Variants in SUN1 observed in about 807,000 individuals in gnomAD.
The protein encoded by SUN1 is SUN domain-containing protein 1.
In SUN1, 61 loss-of-function variants were observed where a neutral mutation model predicts 103.2. The ratio of observed to expected loss-of-function variants is 0.59; its 90% CI spans 0.48 to 0.73. The LOEUF is 0.73. Among genes scored for constraint, SUN1 ranks in the 30% least tolerant of loss-of-function variants. The pLI, the probability that SUN1 is intolerant of heterozygous loss-of-function variation, is 0.00. For synonymous variants in SUN1, 490 were observed against 425.7 expected (o/e 1.15, Z -1.86); for missense variants, 1,052 against 1,034.6 (o/e 1.02, Z -0.23).
At chr7:849,847 A>T (rs1313771760) in intron 5 of SUN1, 8 of 1,448,046 alleles carry the variant, frequency 5.5e-6, no homozygotes, top group Non-Finnish European at 7.6e-6. Context: ...ACAGACTGCC[A>T]TTGCTATGCA....
intron 1 of SUN1, among the ~76,000 whole-genome samples, chr7:835,310 C>T (rs758992508): frequency 5.9e-5 from 9 of 152,182 alleles, no homozygotes; most frequent in Non-Finnish European, 1.0e-4. Flanking sequence ...AGGGTGGGCC[C>T]GAACACTTAC....
At chr7:831,131 C>A, upstream of SUN1, 2 of 549,316 alleles carry the variant, frequency 3.6e-6, no homozygotes, top group Non-Finnish European at 4.6e-6. Context: ...ATTAAGTGAT[C>A]ACAGTTAGTT....
rs1280220825 is a variant in SUN1 at position 853,357 on chromosome 7, T to C, written c.1054-52T>C. 6.9e-6 allele frequency: 11 copies of C among 1,600,172 alleles called. No homozygotes were observed. In the East Asian group the frequency reaches 2.5e-4, roughly 36 times the overall value. On this transcript the variant is annotated intron_variant, in intron 9 of 18. Coordinates refer to ENST00000401592, the MANE Select transcript of SUN1 (RefSeq NM_001130965.3). Reference sequence around the variant, plus strand: ...CACTGTTTGGAGGTTTAACTGACTCTGTGCTCATGCTTGTTTGACTACCTG... The same window carrying C: ...CACTGTTTGGAGGTTTAACTGACTCCGTGCTCATGCTTGTTTGACTACCTG...
At chr7:833,783 C>T (rs564274088) in intron 1 of SUN1, among the ~76,000 whole-genome samples, 62 of 152,358 alleles carry the variant, frequency 4.1e-4, no homozygotes, top group African/African-American at 1.3e-3. Context: ...ACTCTGTTTT[C>T]TAAGAGTCCT....
chr7:818,868 C>T (rs569808035), intron 1 of SUN1, among the ~76,000 whole-genome samples: 16 of 127,442 alleles, frequency 1.3e-4, no homozygotes, highest in Non-Finnish European at 2.0e-4. Flanking sequence ...TCCCCTCCCC[C>T]CCTTTTTTTT....
intron 1 of SUN1, among the ~76,000 whole-genome samples, chr7:826,147 A>G (rs1791599869): frequency 6.6e-6 from 1 of 152,146 alleles, no homozygotes; most frequent in Non-Finnish European, 1.5e-5. Context: ...CTGAGGCTTG[A>G]GCCCAGGAGA....
chr7:852,112 A>C, intron 7 of SUN1, 69 bp downstream of exon 7: 1 of 1,322,178 alleles, frequency 7.6e-7, no homozygotes, highest in Non-Finnish European at 1.1e-6. Context: ...GCAGGCTCTC[A>C]TTTGATTTGT....
At chr7:861,642 T>C (rs185181545) in intron 15 of SUN1, among the ~76,000 whole-genome samples, 178 bp downstream of exon 15, 99 of 152,258 alleles carry the variant, frequency 6.5e-4, no homozygotes, top group African/African-American at 2.2e-3. Flanking sequence ...TGGCCAGTTG[T>C]GTTTGGGGGG....
chr7:832,946 T>C (rs759509147), intron 1 of SUN1: 1 of 214,708 alleles, frequency 4.7e-6, no homozygotes, highest in Non-Finnish European at 9.3e-6. Flanking sequence ...TTAACAGAAA[T>C]AACCTGGAAA....
chr7:823,330 G>A (rs993710493), intron 1 of SUN1, among the ~76,000 whole-genome samples: 3 of 152,212 alleles, frequency 2.0e-5, no homozygotes, highest in African/African-American at 7.2e-5. Context: ...AGTAACTGGG[G>A]TAGGATGAGG....
intron 2 of SUN1, 160 bp from the exon 3 acceptor site, chr7:841,786 T>C (rs1810233580): frequency 1.4e-6 from 1 of 713,212 alleles, no homozygotes; most frequent in Non-Finnish European, 2.2e-6. Context: ...AATTCCTTTT[T>C]TATATTAACA....
intron 1 of SUN1, among the ~76,000 whole-genome samples, chr7:821,372 G>A (rs917818163): frequency 6.6e-6 from 1 of 152,010 alleles, no homozygotes; most frequent in South Asian, 2.1e-4. Flanking sequence ...GTTTCACCAT[G>A]TTGGTCAGGC....
chr7:817,515 C>G, intron 1 of SUN1: 2 of 1,535,780 alleles, frequency 1.3e-6, no homozygotes, highest in Non-Finnish European at 1.7e-6. Flanking sequence ...CGGTGCGGTC[C>G]GAGGTCTCTG....
In SUN1 at chr7:873,553, G is replaced by C; in HGVS notation, c.*222G>C. On this transcript the variant is annotated 3_prime_UTR_variant, in exon 19 of 19. Transcript: ENST00000401592. ...TGCAGAGGGGTCAGCAGCAGGAGAAGCGTGTTGAACACGTGGCTCTCAGAC... is the reference window on the plus strand; with the variant it reads ...TGCAGAGGGGTCAGCAGCAGGAGAACCGTGTTGAACACGTGGCTCTCAGAC... The C allele has an allele frequency of 2.0e-6, 1 of 511,120 alleles. No homozygotes were observed. The allele number at this position is 511,120 out of a possible 1,614,324, so 31.7% of individuals were successfully genotyped here. A position where few individuals can be genotyped will look rare whatever the true frequency, so the allele number is the denominator to read the frequency against.
intron 15 of SUN1, among the ~76,000 whole-genome samples, chr7:865,374 G>A (rs1835647407): frequency 6.6e-6 from 1 of 152,318 alleles, no homozygotes; most frequent in South Asian, 2.1e-4. Context: ...GCCTCCCAAA[G>A]TGCTGGGATT....
At chr7:863,008 G>C (rs947366717) in intron 15 of SUN1, among the ~76,000 whole-genome samples, 2 of 152,120 alleles carry the variant, frequency 1.3e-5, no homozygotes, top group African/African-American at 4.8e-5. Context: ...TGGGTGTGGT[G>C]GTGGGCGCCT....
intron 17 of SUN1, among the ~76,000 whole-genome samples, chr7:869,996 C>G (rs1840239123): frequency 6.6e-6 from 1 of 151,502 alleles, no homozygotes; most frequent in South Asian, 2.1e-4. Flanking sequence ...GAGTTCGAGA[C>G]CAGCCTGGCC....
chr7:869,132 C>G, intron 16 of SUN1: 2 of 584,002 alleles, frequency 3.4e-6, no homozygotes, highest in Non-Finnish European at 6.0e-6. Flanking sequence ...AGGTTCTGGT[C>G]GTTTTAACTT....
chr7:841,718 A>C (rs1810155571), intron 2 of SUN1: 1 of 500,152 alleles, frequency 2.0e-6, no homozygotes, highest in Admixed American at 3.8e-5. Flanking sequence ...GCCCAAAATA[A>C]CCTGGAAACT....
Sources: gnomAD v4.1 joint callset for allele counts (sites outside exome capture counted in the v4.1 genomes callset) on GRCh38, gnomAD v4.1.1 for gene constraint, MANE v1.5 for transcripts, NCBI Gene and HGNC (gene_info 2026-07-23, HGNC 2026-07-21) for gene names.